The following ARNT2 variants were observed in gnomAD, a reference collection of about 807,000 sequenced individuals.
ARNT2 encodes the protein ARNT protein 2.
A neutral mutation model predicts 91.7 loss-of-function variants in ARNT2; 36 were observed. The ratio of observed to expected loss-of-function variants is 0.39; its 90% confidence interval spans 0.30 to 0.52. The LOEUF (loss-of-function observed/expected upper bound fraction) is 0.52. Ranked by LOEUF, ARNT2 falls within the 20% of genes least tolerant of loss-of-function variation. ARNT2 has a pLI of 0.72. For missense variants in ARNT2, 775 were observed against 939.3 expected, an observed-to-expected ratio of 0.83 and a Z score of 2.29; for synonymous variants, 365 against 347.1, an observed-to-expected ratio of 1.05 and a Z score of -0.57.
intron 8 of ARNT2, among the ~76,000 whole-genome samples, chr15:80,539,392 G>T (rs1220653108): frequency 1.3e-5 from 2 of 151,984 alleles, no homozygotes; most frequent in Admixed American, 1.3e-4. Flanking sequence ...ATAAGTTTAG[G>T]TATTAATTTT....
chr15:80,554,338 G>A (rs1216742506), intron 10 of ARNT2, among the ~76,000 whole-genome samples: 2 of 152,188 alleles, frequency 1.3e-5, no homozygotes, highest in African/African-American at 4.8e-5. Flanking sequence ...GAACCCAGGA[G>A]GCGGAGGTTG....
intron 12 of ARNT2, among the ~76,000 whole-genome samples, chr15:80,569,083 G>A (rs1325397637): frequency 1.3e-5 from 2 of 152,192 alleles, no homozygotes; most frequent in South Asian, 2.1e-4. Context: ...GATATTATTA[G>A]CCTCCATCCC....
intron 12 of ARNT2, among the ~76,000 whole-genome samples, chr15:80,564,921 CTCCT>C (rs1898449467): frequency 2.3e-5 from 2 of 88,316 alleles, no homozygotes; most frequent in African/African-American, 4.1e-5. Flanking sequence ...TCTTCTTCTT[CTCCT>C]TTTTTTTTTT....
At chr15:80,511,492 A>G (rs1029829416) in intron 6 of ARNT2, among the ~76,000 whole-genome samples, 3 of 152,132 alleles carry the variant, frequency 2.0e-5, no homozygotes, top group Non-Finnish European at 2.9e-5. Context: ...GTTTACCTGT[A>G]TAACAAACCT....
chr15:80,558,333 CTT>C (rs56720700), intron 11 of ARNT2, among the ~76,000 whole-genome samples: 1,291 of 103,306 alleles, frequency 0.012, 12 homozygotes, highest in African/African-American at 0.034. Context: ...TACGTCTGTG[CTT>C]TTTTTTTTTT....
intron 8 of ARNT2, among the ~76,000 whole-genome samples, chr15:80,533,736 CA>C (rs1897778344): frequency 6.6e-6 from 1 of 152,236 alleles, no homozygotes; most frequent in Non-Finnish European, 1.5e-5. Context: ...GAGAAATGAC[CA>C]ACTGTGTTCC....
chr15:80,426,588 T>A (rs922829533), intron 1 of ARNT2, among the ~76,000 whole-genome samples: 2 of 152,286 alleles, frequency 1.3e-5, no homozygotes, highest in Admixed American at 1.3e-4. Flanking sequence ...GCCGTGATTG[T>A]TTGTTACTGG....
intron 8 of ARNT2, among the ~76,000 whole-genome samples, chr15:80,517,991 T>A (rs1897468047): frequency 6.6e-6 from 1 of 152,200 alleles, no homozygotes; most frequent in Non-Finnish European, 1.5e-5. Context: ...CACACCTGAG[T>A]CTGGTTCCAG....
At chr15:80,477,067 A>G (rs1896816912) in intron 5 of ARNT2, among the ~76,000 whole-genome samples, 1 of 152,220 alleles carries the variant, frequency 6.6e-6, no homozygotes, top group Admixed American at 6.5e-5. Context: ...TGCTTCTGCC[A>G]TGTAAGACAC....
At chr15:80,408,507 G>T (rs1895635538) in intron 1 of ARNT2, among the ~76,000 whole-genome samples, 1 of 152,252 alleles carries the variant, frequency 6.6e-6, no homozygotes, top group African/African-American at 2.4e-5. Flanking sequence ...AGGCAGACAA[G>T]ATTTGTGAAA....
chr15:80,495,286 A>G (rs1190928702), intron 5 of ARNT2, among the ~76,000 whole-genome samples: 1 of 152,120 alleles, frequency 6.6e-6, no homozygotes, highest in East Asian at 1.9e-4. Flanking sequence ...AGTGAACATT[A>G]TTGTTGCTGC....
rs1022964420 is a variant in ARNT2 at position 80,456,372 on chromosome 15, A to G, written c.147-1557A>G. On this transcript the variant is annotated intron_variant, in intron 2 of 18. Transcript: ENST00000303329. ...TTACTGTCATCTTTTCCAGTTATGT[A>G]ACTCCTTTTGTTCTTATACTGTTAG... 4.6e-5 allele frequency among the ~76,000 whole-genome samples: 7 copies of G among 151,994 alleles called. 1 individual carries two copies.
chr15:80,408,897 A>C (rs2141551405), intron 1 of ARNT2, among the ~76,000 whole-genome samples: 1 of 152,322 alleles, frequency 6.6e-6, no homozygotes, highest in African/African-American at 2.4e-5. Flanking sequence ...GAATTTTAAA[A>C]AGTTAATTTT....
At chr15:80,475,671 C>T (rs1896792386) in intron 5 of ARNT2, 1 of 155,202 alleles carries the variant, frequency 6.4e-6, no homozygotes, top group African/African-American at 2.4e-5. Context: ...GTGATAGCTT[C>T]ATTCATTCGA....
rs545157549 is a variant in ARNT2 at position 80,597,515 on chromosome 15, A to C, written c.*3817A>C. 5.3e-4 allele frequency: 169 copies of C among 316,466 alleles called. 2 individuals are homozygous for C. The highest frequency in any genetic ancestry group is 4.3e-3 in the South Asian group (167 of 38,642). The allele number at this position is 316,466 out of a possible 1,614,324, so 19.6% of individuals were successfully genotyped here. A position where few individuals can be genotyped will look rare whatever the true frequency, so the allele number is the denominator to read the frequency against. ...ATCTGGAGTCTGGGGCAACTTAAGG[A>C]GGCACCACACAGTGGTGCAGGCACA... On this transcript the variant is annotated 3_prime_UTR_variant, in exon 19 of 19. Transcript: ENST00000303329.
At chr15:80,501,607 C>T (rs993809523) in intron 5 of ARNT2, among the ~76,000 whole-genome samples, 7 of 152,186 alleles carry the variant, frequency 4.6e-5, no homozygotes, top group African/African-American at 1.4e-4. Context: ...GTCTGAATGC[C>T]GTCTCTCCCT....
Position 80,437,126 on chromosome 15 carries a change from C to A in ARNT2, c.32-13754C>A, listed in dbSNP as rs1896099550. On this transcript the variant is annotated intron_variant, in intron 1 of 18. Transcript: ENST00000303329. ...TGTATATTCAGGGCCTTATACTGTGCCATGGAATAACCTCAGTCTACCCTT... is the reference window on the plus strand; with the variant it reads ...TGTATATTCAGGGCCTTATACTGTGACATGGAATAACCTCAGTCTACCCTT... Among the ~76,000 whole-genome samples, 2 of 152,066 alleles carry A rather than the reference C, an allele frequency of 1.3e-5. 1 individual carries two copies. Among genetic ancestry groups the A allele is most frequent in the Admixed American group, 1.3e-4 (2 of 15,258 alleles).
chr15:80,444,893 A>C (rs898995236), intron 1 of ARNT2: 1 of 143,388 alleles, frequency 7.0e-6, no homozygotes, highest in South Asian at 2.3e-4. Flanking sequence ...TGTGAATGCA[A>C]ATGGTGTGTA....
At chr15:80,545,510 GA>G (rs1231507189) in intron 8 of ARNT2, among the ~76,000 whole-genome samples, 2 of 152,162 alleles carry the variant, frequency 1.3e-5, no homozygotes, top group African/African-American at 4.8e-5. Flanking sequence ...CAACTTCTAG[GA>G]GTGATATAGA....
Sources: allele counts gnomAD v4.1 joint callset (sites outside exome capture counted in the v4.1 genomes callset), GRCh38; gene constraint gnomAD v4.1.1; transcripts MANE v1.5; gene names NCBI Gene and HGNC (gene_info 2026-07-23, HGNC 2026-07-21).